The following ANKFN1 variants were observed in gnomAD, a reference collection of about 807,000 sequenced individuals.
ANKFN1 encodes ankyrin repeat and fibronectin type-III domain-containing protein 1.
Under a neutral mutation model 108.7 loss-of-function variants are expected in ANKFN1, and 74 were observed. The observed-to-expected ratio is 0.68, with a 90% CI of 0.56 to 0.83. The LOEUF is 0.83. ANKFN1 is among the 40% of genes least tolerant of loss of function. The pLI is 0.00. For synonymous variants in ANKFN1, 547 were observed against 516.2 expected, an observed-to-expected ratio of 1.06 and a Z score of -0.81; for missense variants, 1,505 against 1,382.3, an observed-to-expected ratio of 1.09 and a Z score of -1.41.
chr17:56,300,914 A>C (rs1394624853), intron 3 of ANKFN1, among the ~76,000 whole-genome samples: 1 of 152,236 alleles, frequency 6.6e-6, no homozygotes, highest in African/African-American at 2.4e-5. Flanking sequence ...GAAGTTCAGC[A>C]TTAGAAACTC....
intron 1 of ANKFN1, among the ~76,000 whole-genome samples, chr17:56,188,581 G>GTGTGTGTATATATATATATATA (rs1212242378): frequency 2.0e-5 from 1 of 49,668 alleles, no homozygotes; most frequent in Admixed American, 2.8e-4. Flanking sequence ...GTGTGTGTGT[G>GTGTGTGTATATATATATATATA]TATATATATA....
At chr17:56,189,152 A>T (rs953107152) in intron 1 of ANKFN1, among the ~76,000 whole-genome samples, 5 of 141,788 alleles carry the variant, frequency 3.5e-5, no homozygotes, top group Admixed American at 1.4e-4. Flanking sequence ...AAACCTAAGT[A>T]AGTAAATGTT....
At chr17:56,308,188 GTAAC>G (rs1172071475) in intron 3 of ANKFN1, among the ~76,000 whole-genome samples, 1 of 151,494 alleles carries the variant, frequency 6.6e-6, no homozygotes, top group Non-Finnish European at 1.5e-5. Flanking sequence ...GTATACATAT[GTAAC>G]TAACATGCAC....
At chr17:56,055,566 C>CATAGATATATATAT (rs1555588763) in intron 4 of ANKFN1, among the ~76,000 whole-genome samples, 1 of 47,442 alleles carries the variant, frequency 2.1e-5, no homozygotes, top group Non-Finnish European at 3.5e-5. Context: ...GGTATATATA[C>CATAGATATATATAT]ATATATATAT....
rs1051217227 is a variant in ANKFN1 at position 56,516,068 on chromosome 17, C to A, written c.*4799C>A. On this transcript the variant is annotated 3_prime_UTR_variant, in exon 21 of 21. Transcript: ENST00000682825. ...TTTGCTCCTCTTCCTGCAGTCCATG[C>A]CATGAAAGTCTGAATATACTTTCAC... Among the ~76,000 whole-genome samples, 1 of 152,092 alleles carries A rather than the reference C, an allele frequency of 6.6e-6. No individual in the cohort carries two copies. The highest frequency in any genetic ancestry group is 2.4e-5 in the African/African-American group (1 of 41,400).
At chr17:56,277,268 G>A (rs1252113437) in intron 3 of ANKFN1, among the ~76,000 whole-genome samples, 1 of 152,114 alleles carries the variant, frequency 6.6e-6, no homozygotes, top group African/African-American at 2.4e-5. Context: ...TAATGACTAA[G>A]CACTTCCTAG....
At chr17:56,316,625 A>C (rs942478135) in intron 3 of ANKFN1, among the ~76,000 whole-genome samples, 3 of 152,208 alleles carry the variant, frequency 2.0e-5, no homozygotes, top group Admixed American at 6.5e-5. Context: ...AATGCCAAAC[A>C]GAAGTATTCC....
intron 4 of ANKFN1, among the ~76,000 whole-genome samples, chr17:56,341,908 G>A (rs1440436111): frequency 1.3e-5 from 2 of 152,004 alleles, no homozygotes; most frequent in African/African-American, 2.4e-5. Flanking sequence ...ACATCTGGTA[G>A]AATTCAGCTG....
chr17:56,244,037 C>T (rs1917776912), intron 3 of ANKFN1, among the ~76,000 whole-genome samples: 1 of 151,926 alleles, frequency 6.6e-6, no homozygotes, highest in South Asian at 2.1e-4. Flanking sequence ...ACTATGAAAG[C>T]AGGAAGGTGG....
chr17:56,457,702 C>T (rs1169273022), intron 13 of ANKFN1, among the ~76,000 whole-genome samples, 161 bp from the exon 14 acceptor site: 1 of 152,072 alleles, frequency 6.6e-6, no homozygotes. Context: ...GATCTTTTTC[C>T]AATTGGACAG....
chr17:56,220,044 G>C (rs1915726029), intron 2 of ANKFN1, among the ~76,000 whole-genome samples: 1 of 152,188 alleles, frequency 6.6e-6, no homozygotes, highest in African/African-American at 2.4e-5. Context: ...AACTTAGTAT[G>C]CTGGTAAACT....
intron 18 of ANKFN1, among the ~76,000 whole-genome samples, chr17:56,483,847 T>A (rs2050782030): frequency 6.6e-6 from 1 of 152,080 alleles, no homozygotes; most frequent in Non-Finnish European, 1.5e-5. Context: ...CTGTGGAGAT[T>A]TAGAGGTGAG....
chr17:56,063,235 G>A (rs1274676143), intron 4 of ANKFN1, among the ~76,000 whole-genome samples: 1 of 152,104 alleles, frequency 6.6e-6, no homozygotes, highest in Non-Finnish European at 1.5e-5. Flanking sequence ...TCTTGGGATT[G>A]ATCTTCTTAT....
intron 11 of ANKFN1, among the ~76,000 whole-genome samples, chr17:56,453,657 TG>T (rs1362962868): frequency 1.3e-5 from 2 of 152,150 alleles, no homozygotes; most frequent in Non-Finnish European, 2.9e-5. Flanking sequence ...TATTGCATGG[TG>T]GAGCTTTCCC....
chr17:56,510,883 C>T lies in ANKFN1; in HGVS notation c.3055C>T (p.Arg1019Cys), dbSNP rs1318546577. 3.9e-6 allele frequency: 6 copies of T among 1,536,154 alleles called. No homozygotes were observed. The highest frequency in any genetic ancestry group is 2.4e-5 in the East Asian group (1 of 40,900). The change falls in exon 21 of 21, where the codon CGC (arginine) becomes TGC (cysteine). Residue 1019 changes from arginine to cysteine, a missense_variant. By Grantham distance (180) the Arg-to-Cys change is radical. Transcript: ENST00000682825. ...CTTCAGCCGCCATCATCGCTGGTTG[C>T]GCATCCACAGCGAGACCCAGTCGCT... ...GGFSRHHRWL[R>C]IHSETQSLSL...
intron 4 of ANKFN1, among the ~76,000 whole-genome samples, chr17:56,138,072 G>T (rs891923734): frequency 2.6e-5 from 4 of 152,096 alleles, no homozygotes; most frequent in African/African-American, 9.7e-5. Context: ...GTTACCCAAG[G>T]CTTCAAGAAA....
rs544313052 is a variant in ANKFN1, at chr17:56,288,767, C to G, written c.54-37454C>G. Among the ~76,000 whole-genome samples the G allele has an allele frequency of 2.0e-5, 3 of 152,224 alleles. No individual in the cohort carries two copies. In the South Asian group the frequency reaches 6.2e-4, roughly 32 times the overall value. On this transcript the variant is annotated intron_variant, in intron 3 of 20. Coordinates refer to ENST00000682825, the MANE Select transcript of ANKFN1 (RefSeq NM_001370326.1). ...CTCCCCAAAAAGGTCCGGTGTGCCT[C>G]CCCTCTACCACACCATGGTTTATGA...
In ANKFN1 at chr17:56,492,214, T is replaced by G. The variant is rs2051061412; in HGVS notation, c.2288T>G (p.Phe763Cys). The G allele has an allele frequency of 2.8e-6, 2 of 701,884 alleles. No individual in the cohort carries two copies. Among genetic ancestry groups the G allele is most frequent in the South Asian group, 1.5e-5 (1 of 67,478 alleles). The allele number at this position is 701,884 out of a possible 1,614,324, so 43.5% of individuals were successfully genotyped here. ...LVHFCSYREK[F>C]ISLYCRLSAV... ...CATTTTTGCAGCTACAGAGAGAAAT[T>G]TATTAGTCTGTATTGCCGCCTTTCT... is the stretch of plus-strand genomic sequence containing the variant. The change falls in exon 19 of 21, where the codon TTT becomes TGT. Residue 763 changes from phenylalanine to cysteine, a missense_variant. Phe to Cys is a radical substitution (Grantham distance 205). Coordinates refer to ENST00000682825, the MANE Select transcript of ANKFN1 (RefSeq NM_001370326.1).
chr17:56,091,439 C>T (rs1883900383), intron 4 of ANKFN1, among the ~76,000 whole-genome samples: 1 of 150,240 alleles, frequency 6.7e-6, no homozygotes, highest in Non-Finnish European at 1.5e-5. Context: ...CACACACACA[C>T]ACACACACAC....
Sources: allele counts gnomAD v4.1 joint callset (sites outside exome capture counted in the v4.1 genomes callset), GRCh38; gene constraint gnomAD v4.1.1; transcripts MANE v1.5; gene names NCBI Gene and HGNC (gene_info 2026-07-23, HGNC 2026-07-21).